TNRC6A: variants seen among roughly 807,000 people sequenced by gnomAD.
The protein encoded by TNRC6A is trinucleotide repeat containing adaptor 6A.
A neutral mutation model predicts 221.2 loss-of-function variants in TNRC6A; 44 were observed. The observed-to-expected ratio is 0.20, with a 90% CI of 0.16 to 0.26. The LOEUF (loss-of-function observed/expected upper bound fraction) is 0.26, where lower values mean the gene tolerates loss of function less well. TNRC6A is among the 10% of genes least tolerant of loss of function. The probability of loss-of-function intolerance (pLI) is 1.00; values close to 1 mark genes in which losing one functional copy is unlikely to be tolerated. For missense variants in TNRC6A, 2,199 were observed against 2,404.4 expected (o/e 0.91, Z 1.79); for synonymous variants, 847 against 838.5 (o/e 1.01, Z -0.18).
Position 24,818,586 on chromosome 16 carries a change from C to G in TNRC6A, c.4973-7C>G, listed in dbSNP as rs763375201. On this transcript the variant is annotated splice_polypyrimidine_tract_variant and splice_region_variant and intron_variant, in intron 20 of 24. Transcript: ENST00000395799. ...CTGGTGGCTGATTGGACTCTTCCCCCACACAGGGTCATCCTCATCCTTGAA... is the reference window on the plus strand; with the variant it reads ...CTGGTGGCTGATTGGACTCTTCCCCGACACAGGGTCATCCTCATCCTTGAA... The G allele has an allele frequency of 6.2e-7, 1 of 1,612,952 alleles. No homozygotes were observed. Among genetic ancestry groups the G allele is most frequent in the East Asian group, 2.2e-5 (1 of 44,884 alleles).
At chr16:24,799,426 C>CT (rs1242846905) in intron 11 of TNRC6A, among the ~76,000 whole-genome samples, 1 of 152,196 alleles carries the variant, frequency 6.6e-6, no homozygotes, top group African/African-American at 2.4e-5. Context: ...ATACAGCTTT[C>CT]TTTCTTGCAA....
chr16:24,620,141 C>CAA (rs538573259), intron 1 of TNRC6A, among the ~76,000 whole-genome samples: 1 of 142,636 alleles, frequency 7.0e-6, no homozygotes, highest in African/African-American at 2.5e-5. Flanking sequence ...GACCCAGTTT[C>CAA]AAAAAAAAAA....
intron 1 of TNRC6A, among the ~76,000 whole-genome samples, chr16:24,631,507 C>T (rs1051941547): frequency 5.3e-5 from 8 of 152,132 alleles, no homozygotes; most frequent in African/African-American, 1.9e-4. Context: ...TGTGGTGACT[C>T]ACACCTGTAA....
intron 2 of TNRC6A, among the ~76,000 whole-genome samples, chr16:24,720,892 A>G (rs1455037553): frequency 1.3e-5 from 2 of 151,444 alleles, no homozygotes; most frequent in African/African-American, 4.9e-5. Flanking sequence ...AACAGAAAAA[A>G]AAAAACAAAA....
intron 2 of TNRC6A, among the ~76,000 whole-genome samples, chr16:24,643,428 G>A (rs1473611958): frequency 6.6e-6 from 1 of 151,996 alleles, no homozygotes; most frequent in East Asian, 1.9e-4. Flanking sequence ...CCTAACCTAT[G>A]TCTTAATCTT....
chr16:24,656,855 A>T (rs944654820), intron 2 of TNRC6A, among the ~76,000 whole-genome samples: 1 of 152,222 alleles, frequency 6.6e-6, no homozygotes, highest in Non-Finnish European at 1.5e-5. Context: ...AGAATTTTAA[A>T]AATAAAATGT....
intron 2 of TNRC6A, among the ~76,000 whole-genome samples, chr16:24,745,449 A>G (rs1168273806): frequency 1.3e-5 from 2 of 152,168 alleles, no homozygotes; most frequent in East Asian, 1.9e-4. Flanking sequence ...TGGGATCTGC[A>G]TGGGAGAAAG....
At chr16:24,622,869 C>T (rs1217263681) in intron 1 of TNRC6A, among the ~76,000 whole-genome samples, 3 of 152,110 alleles carry the variant, frequency 2.0e-5, no homozygotes, top group Admixed American at 6.5e-5. Context: ...AAACTACTGG[C>T]GGAAAAGGTA....
chr16:24,730,119 C>T, intron 1 of TNRC6A, 134 bp from the exon 2 acceptor site: 1 of 790,270 alleles, frequency 1.3e-6, no homozygotes, highest in Non-Finnish European at 1.8e-6. Context: ...TTTGTGAGTC[C>T]CCCTCCCCCC....
intron 1 of TNRC6A, among the ~76,000 whole-genome samples, chr16:24,620,040 G>T (rs35938209): frequency 0.059 from 8,911 of 152,064 alleles, 339 homozygotes; most frequent in African/African-American, 0.087. Context: ...TTCTTGGGAG[G>T]TTGAGGTGGG....
intron 4 of TNRC6A, among the ~76,000 whole-genome samples, chr16:24,761,692 A>AT (rs572729470): frequency 7.1e-4 from 107 of 149,700 alleles, no homozygotes; most frequent in African/African-American, 1.7e-3. Flanking sequence ...GGGGCAGGCT[A>AT]TTTTTTTTTC....
intron 1 of TNRC6A, among the ~76,000 whole-genome samples, chr16:24,610,845 C>G (rs1900015776): frequency 6.6e-6 from 1 of 152,084 alleles, no homozygotes; most frequent in South Asian, 2.1e-4. Context: ...GAATCTCGCT[C>G]CGTCGCCCAG....
intron 11 of TNRC6A, chr16:24,803,444 C>T (rs2058368021): frequency 6.6e-6 from 1 of 151,636 alleles, no homozygotes; most frequent in African/African-American, 2.4e-5. Context: ...AGAAAAAGCA[C>T]TTATAATGGC....
Position 24,822,738 on chromosome 16 carries a change from C to T in TNRC6A, c.5374-136C>T, listed in dbSNP as rs1401597212. On this transcript the variant is annotated intron_variant, in intron 23 of 24. Coordinates refer to ENST00000395799, the MANE Select transcript of TNRC6A (RefSeq NM_014494.4). ...GCTCTGCACCCCGTCAGAGCAACGT[C>T]AGAGTGTCAGTGAAGAGTGGTGCCA... 4 of 1,233,998 alleles carry T rather than the reference C, an allele frequency of 3.2e-6. No homozygotes were observed. The East Asian group carries it at 7.4e-5, about 23-fold the overall frequency. The allele number at this position is 1,233,998 out of a possible 1,614,324, so 76.4% of individuals were successfully genotyped here. A position where few individuals can be genotyped will look rare whatever the true frequency, so the allele number is the denominator to read the frequency against.
chr16:24,703,717 A>T (rs1221571297), intron 2 of TNRC6A, among the ~76,000 whole-genome samples: 1 of 152,116 alleles, frequency 6.6e-6, no homozygotes, highest in Admixed American at 6.5e-5. Flanking sequence ...TTTTGTGTGG[A>T]TATATGCTTT....
In TNRC6A at chr16:24,763,226, A is replaced by G. The variant is rs1468442912; in HGVS notation, c.163+4866A>G. 4.0e-5 allele frequency among the ~76,000 whole-genome samples: 6 copies of G among 151,366 alleles called. No homozygotes were observed. The East Asian group carries it at 1.2e-3, about 29-fold the overall frequency. The stretch of plus-strand genomic sequence containing the variant: ...AACCAGAGTACTAAATTACGTTCAA[A>G]GTGTTTTTTTGCTACACCTGTAAGG... On this transcript the variant is annotated intron_variant, in intron 4 of 24. Transcript: ENST00000395799.
intron 2 of TNRC6A, among the ~76,000 whole-genome samples, chr16:24,690,009 A>T (rs1596498531): frequency 3.5e-5 from 2 of 56,348 alleles, no homozygotes; most frequent in South Asian, 5.9e-4. Context: ...AAAAAAAAAA[A>T]AAAAAAAAAA....
chr16:24,611,420 G>A (rs1409446145), intron 1 of TNRC6A, among the ~76,000 whole-genome samples: 2 of 152,150 alleles, frequency 1.3e-5, no homozygotes, highest in African/African-American at 4.8e-5. Context: ...CTGGGAGGTG[G>A]TTTCTTGGCT....
rs535737725 is a variant in TNRC6A, at chr16:24,669,941, C to CTT, written n.402+28958_402+28959dup. On this transcript the variant is annotated intron_variant and non_coding_transcript_variant, in intron 2 of 2. Transcript: ENST00000566108. Reference sequence around the variant, plus strand: ...TCGTTATGACCCTATGAGGCAGCTACTTTTTTTTTTTTTTTTTTTTTTTTT... The same window carrying CTT: ...TCGTTATGACCCTATGAGGCAGCTACTTTTTTTTTTTTTTTTTTTTTTTTTTT... Among the ~76,000 whole-genome samples, 116 of 27,186 alleles carry CTT rather than the reference C, an allele frequency of 4.3e-3. 24 individuals are homozygous for CTT. Among genetic ancestry groups the CTT allele is most frequent in the African/African-American group, 0.011 (84 of 7,408 alleles). The allele number at this position is 27,186 out of a possible 152,430, so 17.8% of individuals were successfully genotyped here.
Sources: allele counts gnomAD v4.1 joint callset (sites outside exome capture counted in the v4.1 genomes callset), GRCh38; gene constraint gnomAD v4.1.1; transcripts MANE v1.5; gene names NCBI Gene and HGNC (gene_info 2026-07-23, HGNC 2026-07-21).